Variants in LRRC4C observed in about 807,000 individuals in gnomAD.
LRRC4C encodes leucine-rich repeat-containing protein 4C.
LRRC4C carries 5 observed loss-of-function variants against 33.6 expected under a neutral mutation model. The observed-to-expected ratio is 0.15, with a 90% CI of 0.08 to 0.31. The LOEUF is 0.31. LRRC4C is among the 10% of genes least tolerant of loss of function. The probability of loss-of-function intolerance (pLI) is 1.00; values close to 1 mark genes in which losing one functional copy is unlikely to be tolerated. For synonymous variants in LRRC4C, 329 were observed against 302.0 expected, an observed-to-expected ratio of 1.09 and a Z score of -0.93; for missense variants, 560 against 796.7, an observed-to-expected ratio of 0.70 and a Z score of 3.58.
intron 2 of LRRC4C, among the ~76,000 whole-genome samples, chr11:40,879,316 G>A (rs181755469): frequency 5.9e-5 from 9 of 152,250 alleles, no homozygotes; most frequent in East Asian, 1.9e-4. Context: ...AATTCTTAAC[G>A]AAACAGTTTG....
At chr11:41,069,675 A>G (rs1401683766) in intron 1 of LRRC4C, among the ~76,000 whole-genome samples, 2 of 152,180 alleles carry the variant, frequency 1.3e-5, no homozygotes, top group East Asian at 3.9e-4. Context: ...CAATTGCTAC[A>G]AAGAAAATAA....
intron 4 of LRRC4C, among the ~76,000 whole-genome samples, chr11:40,282,939 A>AT (rs1270302336): frequency 6.6e-6 from 1 of 152,216 alleles, no homozygotes; most frequent in Non-Finnish European, 1.5e-5. Flanking sequence ...TTAGGGAGAT[A>AT]TTTTTTAATC....
intron 3 of LRRC4C, among the ~76,000 whole-genome samples, chr11:40,366,589 G>A (rs1243135692): frequency 2.0e-5 from 3 of 152,036 alleles, no homozygotes; most frequent in African/African-American, 2.4e-5. Context: ...TATAACATAC[G>A]TGTATATATA....
At chr11:40,594,651 A>G (rs1295460073) in intron 3 of LRRC4C, among the ~76,000 whole-genome samples, 1 of 152,182 alleles carries the variant, frequency 6.6e-6, no homozygotes. Context: ...TTTAGCTGAG[A>G]CCACATATTC....
rs1477637451 is a variant in LRRC4C at position 41,244,613 on chromosome 11, G to A, written c.-496+214818C>T. Among the ~76,000 whole-genome samples the A allele has an allele frequency of 3.9e-5, 6 of 152,180 alleles. No homozygotes were observed. The East Asian group carries it at 1.2e-3, about 29-fold the overall frequency. The stretch of plus-strand genomic sequence containing the variant: ...ACAGTAGAGGAGAAGGTCTTATACT[G>A]CTTGAATTACAAACTTTTCTTTTTG... On this transcript the variant is annotated intron_variant, in intron 1 of 6. Coordinates refer to ENST00000528697, the MANE Select transcript of LRRC4C (RefSeq NM_001258419.2).
At chr11:40,892,392 A>G (rs1955756953) in intron 2 of LRRC4C, among the ~76,000 whole-genome samples, 1 of 152,146 alleles carries the variant, frequency 6.6e-6, no homozygotes, top group South Asian at 2.1e-4. Flanking sequence ...ATTCAGCCAT[A>G]AAAACTAGAA....
intron 4 of LRRC4C, among the ~76,000 whole-genome samples, chr11:40,300,444 A>G (rs1425991355): frequency 2.0e-5 from 3 of 152,252 alleles, no homozygotes; most frequent in Non-Finnish European, 4.4e-5. Context: ...CCCAAAGATT[A>G]ACAGAGTTAA....
At chr11:41,280,536 C>T (rs1949629454) in intron 1 of LRRC4C, among the ~76,000 whole-genome samples, 1 of 152,210 alleles carries the variant, frequency 6.6e-6, no homozygotes. Flanking sequence ...GATGAAATAA[C>T]ATTGCATTCA....
intron 2 of LRRC4C, among the ~76,000 whole-genome samples, chr11:40,661,316 G>C (rs1019912505): frequency 6.6e-6 from 1 of 152,032 alleles, no homozygotes; most frequent in Non-Finnish European, 1.5e-5. Context: ...TTATATTATT[G>C]TATTTAGCTG....
chr11:40,448,654 G>A (rs1590770632), intron 3 of LRRC4C, among the ~76,000 whole-genome samples: 1 of 152,252 alleles, frequency 6.6e-6, no homozygotes, highest in East Asian at 1.9e-4. Context: ...TAACATTAAT[G>A]GGCATTTGGG....
chr11:40,380,603 C>T (rs1948827027), intron 3 of LRRC4C, among the ~76,000 whole-genome samples: 1 of 152,104 alleles, frequency 6.6e-6, no homozygotes, highest in Non-Finnish European at 1.5e-5. Flanking sequence ...ACATCTGTAT[C>T]ACAGGGATGT....
intron 2 of LRRC4C, among the ~76,000 whole-genome samples, chr11:40,735,196 A>T (rs144644050): frequency 0.012 from 1,850 of 152,200 alleles, 40 homozygotes; most frequent in African/African-American, 0.043. Context: ...GTTTTAGGGT[A>T]CATGTGCACA....
At chr11:40,258,096 C>A (rs952230779) in intron 4 of LRRC4C, among the ~76,000 whole-genome samples, 3 of 152,096 alleles carry the variant, frequency 2.0e-5, no homozygotes, top group African/African-American at 7.2e-5. Context: ...CAACAAAATT[C>A]ACCAGTATGT....
intron 3 of LRRC4C, among the ~76,000 whole-genome samples, chr11:40,542,064 TTC>T (rs1223327826): frequency 6.6e-6 from 1 of 151,648 alleles, no homozygotes; most frequent in Non-Finnish European, 1.5e-5. Flanking sequence ...CTTTCTTTCT[TTC>T]TCTCTCTCTT....
rs368663615 is a variant in LRRC4C, at chr11:41,072,099, C to T, written c.-495-138376G>A. The stretch of plus-strand genomic sequence containing the variant: ...ATGGAATCTATTCCTGGTTAAGATG[C>T]TGGGAACATTGTTGGAATGGCAACA... On this transcript the variant is annotated intron_variant, in intron 1 of 6. Coordinates refer to ENST00000528697, the MANE Select transcript of LRRC4C (RefSeq NM_001258419.2). Among the ~76,000 whole-genome samples, 19 of 152,004 alleles carry T rather than the reference C, an allele frequency of 1.2e-4. No homozygotes were observed. In the East Asian group the frequency reaches 2.5e-3, roughly 20 times the overall value.
At chr11:41,160,535 A>G (rs1944423451) in intron 1 of LRRC4C, among the ~76,000 whole-genome samples, 1 of 152,194 alleles carries the variant, frequency 6.6e-6, no homozygotes, top group Non-Finnish European at 1.5e-5. Flanking sequence ...TCTTAAGGAC[A>G]ATGGCCATGC....
rs545206161 is a variant in LRRC4C at position 40,850,957 on chromosome 11, A to C, written c.-407+82678T>G. Among the ~76,000 whole-genome samples, 5 of 152,296 alleles carry C rather than the reference A, an allele frequency of 3.3e-5. No homozygotes were observed. In the East Asian group the frequency reaches 9.7e-4, roughly 29 times the overall value. Reference sequence around the variant, plus strand: ...CAGGAAAACCACCTACTCAAGCCTCAGTAATGGCAGACCCACCTCCCCCCA... The same window carrying C: ...CAGGAAAACCACCTACTCAAGCCTCCGTAATGGCAGACCCACCTCCCCCCA... On this transcript the variant is annotated intron_variant, in intron 2 of 6. Transcript: ENST00000528697.
At chr11:40,579,418 A>G (rs1240661735) in intron 3 of LRRC4C, among the ~76,000 whole-genome samples, 1 of 151,990 alleles carries the variant, frequency 6.6e-6, no homozygotes, top group Non-Finnish European at 1.5e-5. Flanking sequence ...TAGAACTTAA[A>G]TAACAGTTTA....
chr11:40,227,406 A>C (rs1864884960), intron 5 of LRRC4C, among the ~76,000 whole-genome samples: 1 of 152,064 alleles, frequency 6.6e-6, no homozygotes, highest in Non-Finnish European at 1.5e-5. Flanking sequence ...TCTTCCTTTA[A>C]CCACAGCCTG....
Sources: gnomAD v4.1 joint callset for allele counts (sites outside exome capture counted in the v4.1 genomes callset) on GRCh38, gnomAD v4.1.1 for gene constraint, MANE v1.5 for transcripts, NCBI Gene and HGNC (gene_info 2026-07-23, HGNC 2026-07-21) for gene names.